Variants in CPE observed in about 807,000 individuals in gnomAD.
The protein encoded by CPE is carboxypeptidase E.
A neutral mutation model predicts 53.5 loss-of-function variants in CPE; 17 were observed. That is an observed-to-expected ratio of 0.32 (90% CI 0.22 to 0.48). The LOEUF is 0.48. Ranked by LOEUF, CPE falls within the 20% of genes least tolerant of loss-of-function variation. The pLI is 0.99. For synonymous variants in CPE, 226 were observed against 228.8 expected (o/e 0.99, Z 0.11); for missense variants, 524 against 614.7 (o/e 0.85, Z 1.56).
rs1209595954 is a variant in CPE, at chr4:165,379,804, T to G, written c.307+276T>G. Among the ~76,000 whole-genome samples the G allele has an allele frequency of 8.5e-5, 13 of 152,216 alleles. No individual in the cohort carries two copies. In the East Asian group the frequency reaches 2.5e-3, roughly 29 times the overall value. On this transcript the variant is annotated intron_variant, in intron 1 of 8. Coordinates refer to ENST00000402744, the MANE Select transcript of CPE (RefSeq NM_001873.4). This position sits in a 1 kb window ranked among gnomAD's most constrained non-coding sequence, Gnocchi z 6.0. ...AGGCCACCCTCTAGTAAGTATAGGC[T>G]TGGGAGGCTGGGGTGGCGGGGGATG...
rs769343038 is a variant in CPE, at chr4:165,379,577, G to T, written c.307+49G>T. The stretch of plus-strand genomic sequence containing the variant: ...CCCTGGGGGCATCCCGGAGGGGGGC[G>T]GCAGAGGGTGGGACTGGTGGCGGTG... On this transcript the variant is annotated intron_variant, in intron 1 of 8. Coordinates refer to ENST00000402744, the MANE Select transcript of CPE (RefSeq NM_001873.4). The surrounding 1 kb of genome is among the most constrained non-coding windows in gnomAD (Gnocchi z 6.0). The T allele has an allele frequency of 2.3e-4, 335 of 1,429,072 alleles. No individual in the cohort carries two copies. The highest frequency in any genetic ancestry group is 8.7e-4 in the Admixed American group (37 of 42,410). 88.5% of individuals were successfully genotyped at this position (1,429,072 alleles called of 1,614,324 possible).
intron 1 of CPE, among the ~76,000 whole-genome samples, chr4:165,400,047 CT>C (rs1730841619): frequency 6.6e-6 from 1 of 152,150 alleles, no homozygotes; most frequent in Non-Finnish European, 1.5e-5. Context: ...CATGAATATC[CT>C]TAAATGCTAG....
chr4:165,416,772 A>G (rs1444873574), intron 1 of CPE, among the ~76,000 whole-genome samples: 1 of 151,834 alleles, frequency 6.6e-6, no homozygotes, highest in Non-Finnish European at 1.5e-5. Flanking sequence ...AACCTGTTTT[A>G]CAGTTGTTTA....
intron 1 of CPE, among the ~76,000 whole-genome samples, chr4:165,462,310 T>C (rs574467672): frequency 6.6e-6 from 1 of 152,152 alleles, no homozygotes; most frequent in Non-Finnish European, 1.5e-5. Context: ...TTAGTGACTA[T>C]GGGTTTGTTG....
rs1041251266 is a variant in CPE at position 165,494,742 on chromosome 4, G to A, written c.1214-817G>A. 7.2e-5 allele frequency among the ~76,000 whole-genome samples: 11 copies of A among 152,222 alleles called. No homozygotes were observed. In the South Asian group the frequency reaches 2.1e-3, roughly 29 times the overall value. On this transcript the variant is annotated intron_variant, in intron 7 of 8. Transcript: ENST00000402744. ...CAAAAAGACAATTGAGGCACTAGCTGCAAGGAGATGTAGATTTAGAGGTAG... is the reference window on the plus strand; with the variant it reads ...CAAAAAGACAATTGAGGCACTAGCTACAAGGAGATGTAGATTTAGAGGTAG...
At chr4:165,487,968 C>T (rs1185164644) in intron 6 of CPE, among the ~76,000 whole-genome samples, 1 of 152,048 alleles carries the variant, frequency 6.6e-6, no homozygotes, top group Non-Finnish European at 1.5e-5. Context: ...TAGGGGCATG[C>T]AAGTACAGGA....
At chr4:165,393,083 A>G (rs1730710662) in intron 1 of CPE, among the ~76,000 whole-genome samples, 1 of 152,082 alleles carries the variant, frequency 6.6e-6, no homozygotes, top group South Asian at 2.1e-4. Context: ...TTGTTAGGCT[A>G]ATTTCCAGCA....
intron 1 of CPE, among the ~76,000 whole-genome samples, chr4:165,436,293 C>T (rs1731500742): frequency 6.6e-6 from 1 of 152,110 alleles, no homozygotes; most frequent in Non-Finnish European, 1.5e-5. Context: ...TTTTACTACC[C>T]ACTTAGTGAG....
At chr4:165,457,299 C>G (rs147035369) in intron 1 of CPE, among the ~76,000 whole-genome samples, 3 of 152,278 alleles carry the variant, frequency 2.0e-5, no homozygotes, top group African/African-American at 7.2e-5. Flanking sequence ...TGGAAATAGT[C>G]AATGCTACAA....
chr4:165,379,555 T>G lies in CPE; in HGVS notation c.307+27T>G, dbSNP rs1208270184. 5.9e-6 allele frequency: 7 copies of G among 1,188,184 alleles called. No homozygotes were observed. Among genetic ancestry groups the G allele is most frequent in the South Asian group, 3.1e-5 (2 of 63,916 alleles). The allele number at this position is 1,188,184 out of a possible 1,614,324, so 73.6% of individuals were successfully genotyped here. On this transcript the variant is annotated intron_variant, in intron 1 of 8. Coordinates refer to ENST00000402744, the MANE Select transcript of CPE (RefSeq NM_001873.4). This position sits in a 1 kb window ranked among gnomAD's most constrained non-coding sequence, Gnocchi z 6.0. ...TAAGGGCGCTGCCCCCTGACAGCCC[T>G]GGGGGCATCCCGGAGGGGGGCGGCA... is the stretch of plus-strand genomic sequence containing the variant.
intron 3 of CPE, among the ~76,000 whole-genome samples, chr4:165,469,821 C>T (rs1732170822): frequency 6.6e-6 from 1 of 152,152 alleles, no homozygotes; most frequent in African/African-American, 2.4e-5. Context: ...GCAAACAAAT[C>T]ACAATATCTG....
At chr4:165,408,327 A>C (rs989405695) in intron 1 of CPE, among the ~76,000 whole-genome samples, 5 of 152,182 alleles carry the variant, frequency 3.3e-5, no homozygotes, top group African/African-American at 1.2e-4. Flanking sequence ...TTTTGAGTTA[A>C]CTTTTTTATC....
At chr4:165,449,895 A>G (rs1731779196) in intron 1 of CPE, among the ~76,000 whole-genome samples, 1 of 152,172 alleles carries the variant, frequency 6.6e-6, no homozygotes, top group Admixed American at 6.6e-5. Flanking sequence ...TCACAAAGAA[A>G]TATTTTAATA....
Position 165,461,044 on chromosome 4 carries a change from A to G in CPE, c.308-3346A>G, listed in dbSNP as rs377031567. Among the ~76,000 whole-genome samples the G allele has an allele frequency of 5.2e-4, 79 of 151,366 alleles. 1 individual carries two copies. The South Asian group carries it at 0.016, about 31-fold the overall frequency. On this transcript the variant is annotated intron_variant, in intron 1 of 8. Transcript: ENST00000402744. ...TAGTTGGGCATGGTGGTGCACACCC[A>G]TAGTCCTAGCTACTCAGAAGGCTGA...
intron 1 of CPE, among the ~76,000 whole-genome samples, chr4:165,461,976 T>C (rs139890137): frequency 8.9e-4 from 136 of 152,374 alleles, no homozygotes; most frequent in African/African-American, 3.1e-3. Context: ...CATTAGTATC[T>C]TCAATATAAT....
At chr4:165,424,260 G>T (rs1731278827) in intron 1 of CPE, among the ~76,000 whole-genome samples, 3 of 150,650 alleles carry the variant, frequency 2.0e-5, no homozygotes, top group African/African-American at 2.4e-5. Context: ...TTTTATTTTG[G>T]GGTTTGTTTG....
chr4:165,403,025 G>A (rs927640493), intron 1 of CPE, among the ~76,000 whole-genome samples: 4 of 151,660 alleles, frequency 2.6e-5, no homozygotes, highest in South Asian at 2.1e-4. Context: ...TGAAACAATC[G>A]AACACTGGGA....
At chr4:165,458,905 T>C (rs1731946991) in intron 1 of CPE, among the ~76,000 whole-genome samples, 1 of 152,182 alleles carries the variant, frequency 6.6e-6, no homozygotes, top group African/African-American at 2.4e-5. Context: ...GAAGACAATA[T>C]TATTTTTTAC....
chr4:165,454,949 T>TTTCTGC (rs1731876808), intron 1 of CPE, among the ~76,000 whole-genome samples: 1 of 152,248 alleles, frequency 6.6e-6, no homozygotes, highest in Non-Finnish European at 1.5e-5. Context: ...CTTAGATATC[T>TTTCTGC]TTCTGCTTCT....
Sources: allele counts gnomAD v4.1 joint callset (sites outside exome capture counted in the v4.1 genomes callset), GRCh38; gene constraint gnomAD v4.1.1; non-coding constraint Gnocchi (gnomAD v3.1); transcripts MANE v1.5; gene names NCBI Gene and HGNC (gene_info 2026-07-23, HGNC 2026-07-21).